CFHR4: variants seen among roughly 807,000 people sequenced by gnomAD.
CFHR4 encodes complement factor H-related protein 4.
CFHR4 carries 64 observed loss-of-function variants against 69.3 expected under a neutral mutation model. That is an observed-to-expected ratio of 0.92 (90% CI 0.76 to 1.14). The LOEUF (loss-of-function observed/expected upper bound fraction) is 1.14, where lower values mean the gene tolerates loss of function less well. CFHR4 is among the 50% of genes most tolerant of loss of function. CFHR4 has a pLI of 0.00. For missense variants in CFHR4, 636 were observed against 684.9 expected (o/e 0.93, Z 0.80); for synonymous variants, 244 against 237.0 (o/e 1.03, Z -0.27).
At chr1:196,914,338 A>C (rs1390370305) in intron 7 of CFHR4, among the ~76,000 whole-genome samples, 157 bp from the exon 8 acceptor site, 1 of 151,656 alleles carries the variant, frequency 6.6e-6, no homozygotes, top group Non-Finnish European at 1.5e-5. Flanking sequence ...ATTAACTATT[A>C]TAGCACAAAA....
At chr1:196,896,691 A>G (rs555269523) in intron 1 of CFHR4, among the ~76,000 whole-genome samples, 1 of 151,500 alleles carries the variant, frequency 6.6e-6, no homozygotes, top group South Asian at 2.1e-4. Flanking sequence ...TGTGAGTGCA[A>G]CTTACGATCC....
intron 9 of CFHR4, among the ~76,000 whole-genome samples, chr1:196,916,743 G>C (rs1658659140): frequency 6.6e-6 from 1 of 151,354 alleles, no homozygotes. Context: ...TCCTAAGATG[G>C]GTTTCACAGC....
At chr1:196,889,400 C>G (rs1436178513) in intron 1 of CFHR4, among the ~76,000 whole-genome samples, 2 of 151,412 alleles carry the variant, frequency 1.3e-5, no homozygotes, top group East Asian at 3.9e-4. Context: ...GAATGCAAAG[C>G]AGAAAAATAG....
At position 196,906,757 on chromosome 1, in the gene CFHR4, A is replaced by G. The variant is rs1033353091; in HGVS notation, c.440-104A>G. ...TATTTTTAATAGTACTCAATTTATT[A>G]GCACACACTGATTGGTAAATTTTAT... is the stretch of plus-strand genomic sequence containing the variant. On this transcript the variant is annotated intron_variant, in intron 3 of 9. Transcript: ENST00000608469. 31 of 1,214,646 alleles carry G rather than the reference A, an allele frequency of 2.6e-5. 2 individuals carry two copies. In the Admixed American group the frequency reaches 9.0e-4, roughly 35 times the overall value. The allele number at this position is 1,214,646 out of a possible 1,614,324, so 75.2% of individuals were successfully genotyped here.
At position 196,917,532 on chromosome 1, in the gene CFHR4, T is replaced by C. The variant is rs1427850440; in HGVS notation, c.1541-678T>C. Among the ~76,000 whole-genome samples the C allele has an allele frequency of 4.6e-5, 7 of 151,648 alleles. 1 individual carries two copies. Among genetic ancestry groups the C allele is most frequent in the Admixed American group, 4.6e-4 (7 of 15,180 alleles). On this transcript the variant is annotated intron_variant, in intron 9 of 9. Transcript: ENST00000608469. ...GAAGGCATAGTGAGATAGAGTAATT[T>C]GTCCATAATCATGTAGGGATTCACA...
chr1:196,901,017 T>G (rs1197834400), intron 1 of CFHR4, among the ~76,000 whole-genome samples: 1 of 151,412 alleles, frequency 6.6e-6, no homozygotes, highest in South Asian at 2.1e-4. Flanking sequence ...ATTTTTCTAA[T>G]CAAACAAAAA....
In CFHR4 at chr1:196,895,405, G is replaced by A. The variant is rs570696874; in HGVS notation, c.59-7013G>A. Among the ~76,000 whole-genome samples the A allele has an allele frequency of 3.2e-4, 48 of 151,444 alleles. 1 individual carries two copies. The highest frequency in any genetic ancestry group is 1.1e-3 in the African/African-American group (46 of 41,116). ...CTCTTCTCCTTCCGAAATCCACTTT[G>A]TGTGTGTTGGTCTGCTTCCTGGTGT... On this transcript the variant is annotated intron_variant, in intron 1 of 9. Transcript: ENST00000608469.
chr1:196,913,233 G>A (rs1024379196), intron 7 of CFHR4, among the ~76,000 whole-genome samples: 15 of 151,462 alleles, frequency 9.9e-5, no homozygotes, highest in Non-Finnish European at 2.9e-5. Context: ...TAAAAACTTC[G>A]TTGTTTTCCC....
At chr1:196,889,494 A>G (rs1656906914) in intron 1 of CFHR4, among the ~76,000 whole-genome samples, 1 of 151,584 alleles carries the variant, frequency 6.6e-6, no homozygotes, top group Non-Finnish European at 1.5e-5. Context: ...AAGCAGTATA[A>G]GAAAAGAATG....
chr1:196,910,110 C>T (rs1169740967), intron 5 of CFHR4, among the ~76,000 whole-genome samples, 171 bp from the exon 6 acceptor site: 1 of 146,252 alleles, frequency 6.8e-6, no homozygotes, highest in East Asian at 2.0e-4. Context: ...AGTGATCGCA[C>T]CACTGCACTC....
At chr1:196,903,461 T>C (rs886336459) in intron 2 of CFHR4, among the ~76,000 whole-genome samples, 2 of 150,784 alleles carry the variant, frequency 1.3e-5, no homozygotes, top group African/African-American at 4.9e-5. Context: ...AAGACCAGCC[T>C]GGTCAACATG....
In CFHR4 at chr1:196,918,543, G is replaced by A. The variant is rs891888638; in HGVS notation, c.*137G>A. On this transcript the variant is annotated 3_prime_UTR_variant, in exon 10 of 10. Coordinates refer to ENST00000608469, the MANE Select transcript of CFHR4 (RefSeq NM_001201550.3). ...AAAATTAATATAATAGTTTCAATTT[G>A]CAACTTAATATGTTCTCAAAAATAT... 1.0e-5 allele frequency: 9 copies of A among 889,990 alleles called. No homozygotes were observed. Among genetic ancestry groups the A allele is most frequent in the African/African-American group, 6.9e-5 (4 of 58,292 alleles). 55.1% of individuals were successfully genotyped at this position (889,990 alleles called of 1,614,324 possible).
At chr1:196,901,333 C>T (rs187680099) in intron 1 of CFHR4, among the ~76,000 whole-genome samples, 8 of 151,034 alleles carry the variant, frequency 5.3e-5, no homozygotes, top group East Asian at 1.9e-4. Flanking sequence ...AAGTTACTCA[C>T]GTATCTTTTA....
intron 4 of CFHR4, 61 bp downstream of exon 4, chr1:196,907,098 GTATA>G: frequency 1.5e-5 from 22 of 1,425,084 alleles, no homozygotes; most frequent in Non-Finnish European, 1.9e-5. Flanking sequence ...ACATACATAT[GTATA>G]TGTACACATA....
rs1288460288 is a variant in CFHR4, at chr1:196,914,633, G to A, written c.1319G>A (p.Cys440Tyr). Residue 440 changes from cysteine (C) to tyrosine (Y), a missense_variant, in exon 8 of 10, where the codon TGT (cysteine) becomes TAT (tyrosine). By Grantham distance (194) the Cys-to-Tyr change is radical. Coordinates refer to ENST00000608469, the MANE Select transcript of CFHR4 (RefSeq NM_001201550.3). ...GGAAACACCACAGGTTCCATAGTGT[G>A]TGGTGAAGATGGGTGGTCCCATTTC... Reference protein sequence around the residue: ...SYGNTTGSIVCGEDGWSHFPT... With the variant: ...SYGNTTGSIVYGEDGWSHFPT... The A allele has an allele frequency of 6.2e-7, 1 of 1,609,170 alleles. No individual in the cohort carries two copies. The highest frequency in any genetic ancestry group is 1.1e-5 in the South Asian group (1 of 89,912).
chr1:196,907,120 G>A, intron 4 of CFHR4, 83 bp downstream of exon 4: 2 of 1,215,770 alleles, frequency 1.6e-6, no homozygotes, highest in East Asian at 5.1e-5. Context: ...ATATGTGTAT[G>A]AATACATATG....
At chr1:196,892,898 A>G (rs1230526062) in intron 1 of CFHR4, among the ~76,000 whole-genome samples, 1 of 151,576 alleles carries the variant, frequency 6.6e-6, no homozygotes, top group Non-Finnish European at 1.5e-5. Context: ...TTCCATTAAT[A>G]TCAGATGAGG....
chr1:196,907,847 T>A, intron 5 of CFHR4, among the ~76,000 whole-genome samples: 1 of 151,024 alleles, frequency 6.6e-6, no homozygotes, highest in African/African-American at 2.4e-5. Flanking sequence ...AGGTAAACAG[T>A]TTTCAAAGAG....
intron 9 of CFHR4, among the ~76,000 whole-genome samples, chr1:196,916,675 G>A (rs1349485344): frequency 1.3e-5 from 2 of 151,680 alleles, no homozygotes; most frequent in Admixed American, 1.3e-4. Flanking sequence ...ATAGAAAAGT[G>A]TTAGGTTTCA....
Sources: allele counts gnomAD v4.1 joint callset (sites outside exome capture counted in the v4.1 genomes callset), GRCh38; gene constraint gnomAD v4.1.1; transcripts MANE v1.5; gene names NCBI Gene and HGNC (gene_info 2026-07-23, HGNC 2026-07-21).